The following ATRN variants were observed in gnomAD, a reference collection of about 807,000 sequenced individuals.
ATRN encodes attractin-2.
ATRN carries 54 observed loss-of-function variants against 178.7 expected under a neutral mutation model. That is an observed-to-expected ratio of 0.30 (90% CI 0.24 to 0.38). The LOEUF (loss-of-function observed/expected upper bound fraction) is 0.38, where lower values mean the gene tolerates loss of function less well. Ranked by LOEUF, ATRN falls within the 10% of genes least tolerant of loss-of-function variation. ATRN has a pLI of 1.00. For missense variants in ATRN, 1,443 were observed against 1,815.1 expected (o/e 0.79, Z 3.73); for synonymous variants, 636 against 663.0 (o/e 0.96, Z 0.63).
chr20:3,481,246 T>C (rs1193812951), intron 1 of ATRN, among the ~76,000 whole-genome samples: 3 of 152,216 alleles, frequency 2.0e-5, no homozygotes, highest in African/African-American at 4.8e-5. Context: ...TTATGTCATA[T>C]CTCTTTAACT....
intron 1 of ATRN, among the ~76,000 whole-genome samples, chr20:3,521,438 G>A (rs1295751322): frequency 6.6e-6 from 1 of 152,014 alleles, no homozygotes; most frequent in Non-Finnish European, 1.5e-5. Flanking sequence ...AATTCTTCAA[G>A]AAGACAGAAC....
chr20:3,599,552 T>C (rs2086578229), intron 22 of ATRN, among the ~76,000 whole-genome samples: 1 of 152,240 alleles, frequency 6.6e-6, no homozygotes, highest in African/African-American at 2.4e-5. Context: ...CCTTGAGCAA[T>C]ACAGGTTAAA....
chr20:3,513,766 C>T (rs532499186), intron 1 of ATRN, among the ~76,000 whole-genome samples: 2 of 152,260 alleles, frequency 1.3e-5, no homozygotes, highest in Admixed American at 1.3e-4. Flanking sequence ...TCTTTTATTT[C>T]GTTGAGCAGT....
intron 16 of ATRN, among the ~76,000 whole-genome samples, chr20:3,583,450 T>C (rs1449041433): frequency 6.6e-6 from 1 of 152,248 alleles, no homozygotes; most frequent in Non-Finnish European, 1.5e-5. Flanking sequence ...TTGATGACTT[T>C]TATTGTTTTC....
chr20:3,640,934 A>C (rs373953629), intron 27 of ATRN, among the ~76,000 whole-genome samples: 1 of 152,240 alleles, frequency 6.6e-6, no homozygotes, highest in African/African-American at 2.4e-5. Context: ...CAGCCTTCCA[A>C]AGGAAGCAAA....
chr20:3,639,334 A>T (rs1051301929), intron 27 of ATRN, among the ~76,000 whole-genome samples: 2 of 152,246 alleles, frequency 1.3e-5, no homozygotes, highest in African/African-American at 4.8e-5. Flanking sequence ...GGCTCACTGC[A>T]ATCTACCTCC....
chr20:3,485,871 C>T (rs899505793), intron 1 of ATRN, among the ~76,000 whole-genome samples: 1 of 152,052 alleles, frequency 6.6e-6, no homozygotes, highest in Non-Finnish European at 1.5e-5. Context: ...CCTCCTGCCT[C>T]AGCCTCCCAA....
Position 3,471,228 on chromosome 20 carries a change from C to A in ATRN, c.121C>A (p.Pro41Thr). The A allele has an allele frequency of 6.8e-7, 1 of 1,461,638 alleles. No individual in the cohort carries two copies. Among genetic ancestry groups the A allele is most frequent in the Non-Finnish European group, 9.0e-7 (1 of 1,115,470 alleles). 90.5% of individuals were successfully genotyped at this position (1,461,638 alleles called of 1,614,324 possible). Residue 41 changes from proline (P) to threonine (T), a missense_variant, in exon 1 of 29, where the codon CCG (proline) becomes ACG (threonine). By Grantham distance (38) the Pro-to-Thr change is conservative (BLOSUM62 -1). This residue lies in a region of ATRN where 862 missense variants were observed against 972.1 expected (regional missense o/e 0.89). Coordinates refer to ENST00000262919, the MANE Select transcript of ATRN (RefSeq NM_139321.3). ...CTGGGACGTGACCAGGGCTGGGAGG[C>A]CGGGGCTGGGGGCCGGGCTGCGCCT... ...WDWDVTRAGRPGLGAGLRLPR... is the reference protein window; with the variant it reads ...WDWDVTRAGRTGLGAGLRLPR...
rs115735342 is a variant in ATRN at position 3,521,750 on chromosome 20, A to C, written c.411-13503A>C. Among the ~76,000 whole-genome samples, 521 of 152,294 alleles carry C rather than the reference A, an allele frequency of 3.4e-3. 3 individuals carry two copies. The highest frequency in any genetic ancestry group is 0.012 in the African/African-American group (486 of 41,558). On this transcript the variant is annotated intron_variant, in intron 1 of 28. Coordinates refer to ENST00000262919, the MANE Select transcript of ATRN (RefSeq NM_139321.3). Reference sequence around the variant, plus strand: ...AGACTATATGCTGGATAATAGAACAAGTCTCAATACATTTAAAAGATTTGA... The same window carrying C: ...AGACTATATGCTGGATAATAGAACACGTCTCAATACATTTAAAAGATTTGA...
chr20:3,542,465 C>T (rs1312146215), intron 3 of ATRN, among the ~76,000 whole-genome samples: 1 of 141,418 alleles, frequency 7.1e-6, no homozygotes, highest in Non-Finnish European at 1.5e-5. Context: ...AACATTATTC[C>T]TTTTAGAGTT....
At chr20:3,494,616 CAAT>C (rs1413705930) in intron 1 of ATRN, among the ~76,000 whole-genome samples, 7 of 151,986 alleles carry the variant, frequency 4.6e-5, no homozygotes, top group Admixed American at 3.3e-4. Flanking sequence ...AAGAAAGAGT[CAAT>C]AATTTTTGGA....
At chr20:3,577,209 C>A (rs994963408) in intron 14 of ATRN, among the ~76,000 whole-genome samples, 7 of 152,088 alleles carry the variant, frequency 4.6e-5, no homozygotes, top group African/African-American at 1.7e-4. Context: ...AGTGAAACAT[C>A]CTTTGCTGCT....
chr20:3,587,079 T>C (rs1020996289), intron 18 of ATRN, among the ~76,000 whole-genome samples: 2 of 152,220 alleles, frequency 1.3e-5, no homozygotes, highest in African/African-American at 2.4e-5. Context: ...TTTTCAGTTA[T>C]GTTGTCTTTT....
In ATRN at chr20:3,647,451, T is replaced by A. The variant is rs564415247; in HGVS notation, c.*604T>A. The A allele has an allele frequency of 6.5e-6, 1 of 152,788 alleles. No individual in the cohort carries two copies. The highest frequency in any genetic ancestry group is 6.5e-5 in the Admixed American group (1 of 15,302). 9.5% of individuals were successfully genotyped at this position (152,788 alleles called of 1,614,324 possible). ...GATAGAAGGGGGGCTATTTTAAATGTCAAGGTCAGCAGTGTTACTTTGAAT... is the reference window on the plus strand; with the variant it reads ...GATAGAAGGGGGGCTATTTTAAATGACAAGGTCAGCAGTGTTACTTTGAAT... On this transcript the variant is annotated 3_prime_UTR_variant, in exon 29 of 29. Transcript: ENST00000262919.
chr20:3,537,897 TA>T (rs1471190789), intron 2 of ATRN, among the ~76,000 whole-genome samples: 36 of 145,366 alleles, frequency 2.5e-4, no homozygotes, highest in Admixed American at 2.0e-4. Flanking sequence ...TCATTTTCTT[TA>T]TTTTATTTTA....
At chr20:3,493,232 C>T (rs1483411553) in intron 1 of ATRN, among the ~76,000 whole-genome samples, 1 of 151,132 alleles carries the variant, frequency 6.6e-6, no homozygotes, top group African/African-American at 2.4e-5. Context: ...TAGCTCACTG[C>T]AGCCTTGACT....
At chr20:3,490,214 G>C in intron 1 of ATRN, 2 of 1,519,268 alleles carry the variant, frequency 1.3e-6, no homozygotes, top group African/African-American at 1.4e-5. Flanking sequence ...CAAGCCTAAA[G>C]CTAAGAGAGC....
intron 10 of ATRN, among the ~76,000 whole-genome samples, chr20:3,564,450 C>T (rs777152184): frequency 2.0e-5 from 3 of 152,182 alleles, no homozygotes; most frequent in East Asian, 3.9e-4. Context: ...TGGAAAAGAC[C>T]GGCACATATT....
chr20:3,545,393 T>C (rs954390876), intron 3 of ATRN, among the ~76,000 whole-genome samples: 3 of 149,448 alleles, frequency 2.0e-5, no homozygotes, highest in Non-Finnish European at 4.5e-5. Flanking sequence ...AACAAAAACC[T>C]CATGTCTTTC....
Sources: allele counts gnomAD v4.1 joint callset (sites outside exome capture counted in the v4.1 genomes callset), GRCh38; gene constraint gnomAD v4.1.1; regional missense constraint gnomAD v4.1.1; transcripts MANE v1.5; gene names NCBI Gene and HGNC (gene_info 2026-07-23, HGNC 2026-07-21).